The following KAZN variants were observed in gnomAD, a reference collection of about 807,000 sequenced individuals.
KAZN encodes the protein kazrin.
A neutral mutation model predicts 87.4 loss-of-function variants in KAZN; 40 were observed. That is an observed-to-expected ratio of 0.46 (90% CI 0.36 to 0.60). The LOEUF (loss-of-function observed/expected upper bound fraction) is 0.60. Ranked by LOEUF, KAZN falls within the 20% of genes least tolerant of loss-of-function variation. The probability of loss-of-function intolerance (pLI) is 0.00; values close to 1 mark genes in which losing one functional copy is unlikely to be tolerated. For synonymous variants in KAZN, 466 were observed against 458.3 expected, an observed-to-expected ratio of 1.02 and a Z score of -0.22; for missense variants, 898 against 1,073.9, an observed-to-expected ratio of 0.84 and a Z score of 2.29.
At position 14,015,249 on chromosome 1, in the gene KAZN, T is replaced by TC. The variant is rs368245756; in HGVS notation, c.91+121494dup. 4.6e-3 allele frequency among the ~76,000 whole-genome samples: 703 copies of TC among 152,100 alleles called. 1 individual carries two copies. The highest frequency in any genetic ancestry group is 0.014 in the African/African-American group (589 of 41,526). The stretch of plus-strand genomic sequence containing the variant: ...TTTTGAAGTCACCAGACTTTCCTCT[T>TC]CTTTTGTCTTCTTTGGGCTTAAAGG... On this transcript the variant is annotated intron_variant, in intron 1 of 16. Coordinates refer to the KAZN transcript ENST00000636203.
intron 1 of KAZN, among the ~76,000 whole-genome samples, chr1:14,062,212 G>T (rs1238336962): frequency 1.3e-5 from 2 of 152,050 alleles, no homozygotes; most frequent in Admixed American, 6.6e-5. Flanking sequence ...AGCGATTCAG[G>T]TTGAAACAGC....
intron 1 of KAZN, among the ~76,000 whole-genome samples, chr1:14,089,999 G>A (rs573780209): frequency 2.6e-5 from 4 of 151,194 alleles, no homozygotes; most frequent in Admixed American, 2.0e-4. Flanking sequence ...TTGGTTCTCT[G>A]TAAATAATGC....
chr1:14,432,981 T>C (rs1666165194), intron 2 of KAZN, among the ~76,000 whole-genome samples: 1 of 152,066 alleles, frequency 6.6e-6, no homozygotes, highest in Non-Finnish European at 1.5e-5. Flanking sequence ...TATGTATATG[T>C]ATAGTTGTAC....
At chr1:14,380,656 G>A (rs1661287629) in intron 2 of KAZN, among the ~76,000 whole-genome samples, 1 of 152,098 alleles carries the variant, frequency 6.6e-6, no homozygotes, top group Non-Finnish European at 1.5e-5. Flanking sequence ...CAGACCATTT[G>A]AAAATACACA....
intron 1 of KAZN, among the ~76,000 whole-genome samples, chr1:14,686,235 T>G (rs1437885656): frequency 6.6e-6 from 1 of 152,148 alleles, no homozygotes; most frequent in African/African-American, 2.4e-5. Flanking sequence ...CAGCTAATTT[T>G]TGTATTTTTG....
intron 1 of KAZN, among the ~76,000 whole-genome samples, chr1:14,116,153 G>C (rs1266598545): frequency 6.6e-6 from 1 of 152,186 alleles, no homozygotes; most frequent in African/African-American, 2.4e-5. Flanking sequence ...AGAAATCCAA[G>C]CTGACTTAAG....
intron 1 of KAZN, among the ~76,000 whole-genome samples, chr1:14,098,355 T>G (rs2101637065): frequency 6.6e-6 from 1 of 152,260 alleles, no homozygotes; most frequent in Non-Finnish European, 1.5e-5. Flanking sequence ...TGCCCTATGG[T>G]CAAGTAGATG....
chr1:14,916,135 T>C (rs1657784799), intron 1 of KAZN, among the ~76,000 whole-genome samples: 1 of 151,566 alleles, frequency 6.6e-6, no homozygotes, highest in Non-Finnish European at 1.5e-5. Flanking sequence ...ATGTTTGCCA[T>C]TATTATTATT....
intron 2 of KAZN, among the ~76,000 whole-genome samples, chr1:14,259,966 A>G (rs1179807517): frequency 6.6e-6 from 1 of 151,998 alleles, no homozygotes; most frequent in Non-Finnish European, 1.5e-5. Context: ...ACGCAAGCGG[A>G]TTTTTCTTTT....
intron 1 of KAZN, among the ~76,000 whole-genome samples, chr1:14,912,220 C>T (rs1657332523): frequency 6.6e-6 from 1 of 151,370 alleles, no homozygotes; most frequent in African/African-American, 2.4e-5. Flanking sequence ...CAAGCATCCA[C>T]ATCTCCTGAC....
intron 2 of KAZN, among the ~76,000 whole-genome samples, chr1:14,272,039 T>C (rs771243927): frequency 6.6e-6 from 1 of 152,238 alleles, no homozygotes; most frequent in Non-Finnish European, 1.5e-5. Context: ...GCAGAATTAT[T>C]TGGTGACACG....
chr1:14,902,150 G>A (rs960047582), intron 1 of KAZN, among the ~76,000 whole-genome samples: 6 of 152,158 alleles, frequency 3.9e-5, no homozygotes, highest in African/African-American at 1.4e-4. Flanking sequence ...AGGGTGCTGG[G>A]AGCAGATGAG....
chr1:13,894,861 G>T (rs998212438), intron 1 of KAZN, among the ~76,000 whole-genome samples: 1 of 152,188 alleles, frequency 6.6e-6, no homozygotes, highest in Non-Finnish European at 1.5e-5. Context: ...CACTGGAGCT[G>T]GTTTCTAAAA....
chr1:14,933,089 C>A (rs1660034153), intron 1 of KAZN, among the ~76,000 whole-genome samples: 1 of 152,074 alleles, frequency 6.6e-6, no homozygotes. Context: ...GGGTTCTGCA[C>A]TATTTATTTC....
intron 2 of KAZN, among the ~76,000 whole-genome samples, chr1:14,187,320 C>T (rs1194843406): frequency 1.3e-5 from 2 of 152,076 alleles, no homozygotes; most frequent in Non-Finnish European, 1.5e-5. Context: ...AATATTTTGA[C>T]AATTTTAATA....
chr1:14,907,361 C>T (rs146020281), intron 1 of KAZN, among the ~76,000 whole-genome samples: 2,937 of 150,448 alleles, frequency 0.02, 109 homozygotes, highest in African/African-American at 0.068. Flanking sequence ...GCGATTGCAC[C>T]ACTGCACTCC....
In KAZN at chr1:14,055,562, G is replaced by A. The variant is rs139290012; in HGVS notation, c.92-124873G>A. Among the ~76,000 whole-genome samples, 1,091 of 152,314 alleles carry A rather than the reference G, an allele frequency of 7.2e-3. 6 individuals carry two copies. Among genetic ancestry groups the A allele is most frequent in the Middle Eastern group, 0.017 (5 of 294 alleles). ...TATGAAGTTTTCTGAGCTGTGTTTA[G>A]CAGGGAGTGGAGGTTTCTCAGGCAT... On this transcript the variant is annotated intron_variant, in intron 1 of 16. Transcript: ENST00000636203.
chr1:14,181,961 T>C (rs538706385), intron 2 of KAZN, among the ~76,000 whole-genome samples: 1 of 152,284 alleles, frequency 6.6e-6, no homozygotes, highest in South Asian at 2.1e-4. Flanking sequence ...CATATTTTTC[T>C]TCTCCTTCAC....
chr1:14,585,581 A>G (rs922658915), intron 2 of KAZN, among the ~76,000 whole-genome samples: 3 of 152,200 alleles, frequency 2.0e-5, no homozygotes, highest in African/African-American at 7.2e-5. Flanking sequence ...CAAGCCCACT[A>G]GCAATCCAGG....
Sources: gnomAD v4.1 joint callset for allele counts (sites outside exome capture counted in the v4.1 genomes callset) on GRCh38, gnomAD v4.1.1 for gene constraint, MANE v1.5 for transcripts, NCBI Gene and HGNC (gene_info 2026-07-23, HGNC 2026-07-21) for gene names.